Variants in RIC8B observed in about 807,000 individuals in gnomAD.
The protein encoded by RIC8B is chaperone Ric-8B.
Under a neutral mutation model 57.5 loss-of-function variants are expected in RIC8B, and 16 were observed. The observed-to-expected ratio is 0.28, with a 90% CI of 0.19 to 0.42. The LOEUF is 0.42. Among genes scored for constraint, RIC8B ranks in the 10% least tolerant of loss-of-function variants. The pLI is 1.00. For missense variants in RIC8B, 481 were observed against 677.0 expected (o/e 0.71, Z 3.21); for synonymous variants, 216 against 250.8 (o/e 0.86, Z 1.31).
Position 106,851,435 on chromosome 12 carries a change from C to G in RIC8B, c.1162-15C>G. 6.3e-7 allele frequency: 1 copy of G among 1,591,950 alleles called. No homozygotes were observed. Among genetic ancestry groups the G allele is most frequent in the Non-Finnish European group, 8.6e-7 (1 of 1,168,454 alleles). On this transcript the variant is annotated splice_polypyrimidine_tract_variant and intron_variant, in intron 6 of 9. Transcript: ENST00000392837. ...TAGCCTCGATTGATGATGGTTTTTG[C>G]ATTTGTGCCATCAGGTTTTACCACC...
At chr12:106,813,017 C>T (rs1228005498) in intron 2 of RIC8B, among the ~76,000 whole-genome samples, 1 of 151,502 alleles carries the variant, frequency 6.6e-6, no homozygotes, top group Non-Finnish European at 1.5e-5. Context: ...TGAAAATACT[C>T]AAGGAAAAAA....
chr12:106,785,785 GTCTCTCTCTCTCTCTC>G (rs370138594), intron 2 of RIC8B, among the ~76,000 whole-genome samples: 25 of 104,622 alleles, frequency 2.4e-4, no homozygotes, highest in Non-Finnish European at 4.7e-4. Context: ...TGTATTCTAT[GTCTCTCTCTCTCTCTC>G]TCTCTCTCTC....
At chr12:106,798,131 C>G (rs1420127258) in intron 2 of RIC8B, 1 of 646,556 alleles carries the variant, frequency 1.5e-6, no homozygotes, top group African/African-American at 1.9e-5. Flanking sequence ...CCTTATAACA[C>G]TTAGGCATAT....
At chr12:106,815,413 A>G in intron 3 of RIC8B, 109 bp downstream of exon 3, 2 of 1,144,794 alleles carry the variant, frequency 1.7e-6, no homozygotes, top group Non-Finnish European at 2.5e-6. Context: ...AAAAGTTCCC[A>G]CTTCTCCCAT....
intron 7 of RIC8B, among the ~76,000 whole-genome samples, chr12:106,858,197 T>A (rs1949785156): frequency 6.6e-6 from 1 of 152,352 alleles, no homozygotes; most frequent in Non-Finnish European, 1.5e-5. Flanking sequence ...TGTGTCTTTT[T>A]AAATTATTGT....
chr12:106,810,114 C>T (rs1016807938), intron 2 of RIC8B, among the ~76,000 whole-genome samples: 8 of 149,262 alleles, frequency 5.4e-5, no homozygotes, highest in Admixed American at 3.3e-4. Context: ...TATGTCCCAG[C>T]GTCTATTTTA....
chr12:106,775,419 T>A, intron 1 of RIC8B: 1 of 454,398 alleles, frequency 2.2e-6, no homozygotes, highest in Non-Finnish European at 4.4e-6. Flanking sequence ...CATGGACATA[T>A]AATGTTGTAA....
chr12:106,775,445 A>G (rs1053910270), intron 1 of RIC8B: 2 of 446,510 alleles, frequency 4.5e-6, no homozygotes, highest in Admixed American at 4.8e-5. Flanking sequence ...TGGAGAATGT[A>G]ACTCCTAATG....
intron 4 of RIC8B, among the ~76,000 whole-genome samples, chr12:106,837,888 C>T (rs955212021): frequency 4.0e-5 from 6 of 150,996 alleles, no homozygotes; most frequent in African/African-American, 1.5e-4. Context: ...GTGATCCACC[C>T]ACCTCAGCCT....
chr12:106,828,831 T>C (rs1021550052), intron 4 of RIC8B, among the ~76,000 whole-genome samples: 1 of 152,254 alleles, frequency 6.6e-6, no homozygotes, highest in African/African-American at 2.4e-5. Context: ...GTTTAGGAAC[T>C]TATGCCTATG....
chr12:106,787,943 C>T (rs537788283), intron 2 of RIC8B, among the ~76,000 whole-genome samples: 1 of 152,262 alleles, frequency 6.6e-6, no homozygotes, highest in African/African-American at 2.4e-5. Flanking sequence ...TAACTCATTT[C>T]AGCGTTAACC....
intron 4 of RIC8B, among the ~76,000 whole-genome samples, chr12:106,827,761 AT>A (rs1405764544): frequency 1.3e-5 from 2 of 152,166 alleles, no homozygotes; most frequent in Admixed American, 6.5e-5. Flanking sequence ...ACCCACTGTA[AT>A]TTTTTTCGTA....
intron 3 of RIC8B, among the ~76,000 whole-genome samples, chr12:106,823,684 A>ATTT (rs375444524): frequency 7.0e-6 from 1 of 143,006 alleles, no homozygotes; most frequent in East Asian, 2.0e-4. Context: ...ATATGAGATA[A>ATTT]TTTTTTTTTT....
At position 106,851,346 on chromosome 12, in the gene RIC8B, A is replaced by C. The variant is rs773023539; in HGVS notation, c.1162-104A>C. On this transcript the variant is annotated intron_variant, in intron 6 of 9. Coordinates refer to ENST00000392837, the MANE Select transcript of RIC8B (RefSeq NM_001330145.2). Reference sequence around the variant, plus strand: ...TTTTTTTTTTTTTTTTGCTCCTACAATACAAACCCCAGTAGACATTACAAG... The same window carrying C: ...TTTTTTTTTTTTTTTTGCTCCTACACTACAAACCCCAGTAGACATTACAAG... 5.4e-6 allele frequency: 4 copies of C among 740,238 alleles called. No individual in the cohort carries two copies. The South Asian group carries it at 1.1e-4, about 21-fold the overall frequency. The allele number at this position is 740,238 out of a possible 1,614,324, so 45.9% of individuals were successfully genotyped here. A position where few individuals can be genotyped will look rare whatever the true frequency, so the allele number is the denominator to read the frequency against.
At chr12:106,875,954 T>C (rs1426707641) in intron 9 of RIC8B, among the ~76,000 whole-genome samples, 2 of 152,148 alleles carry the variant, frequency 1.3e-5, no homozygotes, top group Non-Finnish European at 2.9e-5. Context: ...TAGTTTTTTC[T>C]TAAAAATAAG....
intron 9 of RIC8B, among the ~76,000 whole-genome samples, chr12:106,875,160 CTTAT>C (rs1176154457): frequency 6.6e-6 from 1 of 152,038 alleles, no homozygotes; most frequent in African/African-American, 2.4e-5. Flanking sequence ...CCATGACTGG[CTTAT>C]TTAAATATTG....
chr12:106,870,048 TGAAAGAG>T (rs1950331718), intron 8 of RIC8B, among the ~76,000 whole-genome samples: 1 of 151,732 alleles, frequency 6.6e-6, no homozygotes, highest in Admixed American at 6.6e-5. Flanking sequence ...TAGGAGCCAT[TGAAAGAG>T]TTATCTTTTA....
chr12:106,806,455 A>G (rs1445313000), intron 2 of RIC8B, among the ~76,000 whole-genome samples: 1 of 152,068 alleles, frequency 6.6e-6, no homozygotes, highest in Non-Finnish European at 1.5e-5. Context: ...ACAGCCACTG[A>G]GTGGTGGCAT....
At position 106,785,785 on chromosome 12, in the gene RIC8B, G is replaced by GTC. The variant is rs370138594; in HGVS notation, c.132+1769_132+1770dup. On this transcript the variant is annotated intron_variant, in intron 2 of 9. Transcript: ENST00000392837. ...TGAGCTCCAGACATGTGTATTCTAT[G>GTC]TCTCTCTCTCTCTCTCTCTCTCTCT... Among the ~76,000 whole-genome samples the GTC allele has an allele frequency of 9.1e-3, 950 of 104,524 alleles. 14 individuals are homozygous for GTC. Among genetic ancestry groups the GTC allele is most frequent in the African/African-American group, 0.025 (650 of 26,398 alleles). 68.6% of individuals were successfully genotyped at this position (104,524 alleles called of 152,430 possible). A position where few individuals can be genotyped will look rare whatever the true frequency, so the allele number is the denominator to read the frequency against.
Sources: gnomAD v4.1 joint callset for allele counts (sites outside exome capture counted in the v4.1 genomes callset) on GRCh38, gnomAD v4.1.1 for gene constraint, MANE v1.5 for transcripts, NCBI Gene and HGNC (gene_info 2026-07-23, HGNC 2026-07-21) for gene names.